DPP10: variants seen among roughly 807,000 people sequenced by gnomAD.
DPP10 encodes the protein dipeptidyl peptidase like 10.
A neutral mutation model predicts 120.9 loss-of-function variants in DPP10; 33 were observed. The observed-to-expected ratio is 0.27, with a 90% CI of 0.21 to 0.37. The LOEUF (loss-of-function observed/expected upper bound fraction) is 0.37. Ranked by LOEUF, DPP10 falls within the 10% of genes least tolerant of loss-of-function variation. The pLI, the probability that DPP10 is intolerant of heterozygous loss-of-function variation, is 1.00. For synonymous variants in DPP10, 337 were observed against 326.1 expected (o/e 1.03, Z -0.36); for missense variants, 816 against 942.8 (o/e 0.87, Z 1.76).
intron 1 of DPP10, among the ~76,000 whole-genome samples, chr2:114,826,718 A>T (rs1260496142): frequency 6.6e-6 from 1 of 152,012 alleles, no homozygotes; most frequent in Admixed American, 6.5e-5. Context: ...TTTAGTAGAG[A>T]TGGGGTTCAC....
chr2:115,722,926 T>G (rs1394671370), intron 7 of DPP10, among the ~76,000 whole-genome samples: 2 of 152,182 alleles, frequency 1.3e-5, no homozygotes, highest in East Asian at 3.9e-4. Context: ...GCAGAACCTG[T>G]AAACACATGT....
At chr2:114,931,958 G>A (rs1230226032) in intron 1 of DPP10, among the ~76,000 whole-genome samples, 10 of 152,188 alleles carry the variant, frequency 6.6e-5, no homozygotes, top group African/African-American at 2.4e-4. Flanking sequence ...ATTTAACAGG[G>A]ACATTGCCTT....
intron 1 of DPP10, among the ~76,000 whole-genome samples, chr2:115,251,471 G>A (rs1344696523): frequency 6.6e-6 from 1 of 152,080 alleles, no homozygotes; most frequent in Non-Finnish European, 1.5e-5. Context: ...TTATTAGAAA[G>A]CTTTTACTGC....
At chr2:115,346,494 A>G (rs2063718332) in intron 3 of DPP10, among the ~76,000 whole-genome samples, 1 of 152,166 alleles carries the variant, frequency 6.6e-6, no homozygotes, top group Non-Finnish European at 1.5e-5. Context: ...GTCTCAAAAA[A>G]TATGTCTGAG....
chr2:115,189,127 A>G (rs1327477233), intron 1 of DPP10, among the ~76,000 whole-genome samples: 1 of 152,222 alleles, frequency 6.6e-6, no homozygotes, highest in Non-Finnish European at 1.5e-5. Context: ...TTACTTCTAT[A>G]GAAGGGTGTG....
chr2:114,501,213 T>C (rs1226335832), intron 1 of DPP10, among the ~76,000 whole-genome samples: 1 of 152,102 alleles, frequency 6.6e-6, no homozygotes, highest in Non-Finnish European at 1.5e-5. Context: ...TACCTCCATT[T>C]GTCTCAGCTG....
chr2:114,642,828 A>G (rs928745626), intron 1 of DPP10, among the ~76,000 whole-genome samples: 2 of 151,990 alleles, frequency 1.3e-5, no homozygotes, highest in African/African-American at 4.9e-5. Context: ...CAGAACTTCA[A>G]ACAGAACCCA....
Position 115,384,655 on chromosome 2 carries a change from GGAA to G in DPP10, c.271+40757_271+40759del, listed in dbSNP as rs548334665. Among the ~76,000 whole-genome samples, 1,296 of 138,916 alleles carry G rather than the reference GGAA, an allele frequency of 9.3e-3. 9 individuals carry two copies. The highest frequency in any genetic ancestry group is 0.02 in the East Asian group (95 of 4,704). 91.1% of individuals were successfully genotyped at this position (138,916 alleles called of 152,430 possible). A position where few individuals can be genotyped will look rare whatever the true frequency, so the allele number is the denominator to read the frequency against. On this transcript the variant is annotated intron_variant, in intron 3 of 25. Transcript: ENST00000410059. ...AAGAAGAAAGAAGGAAGAAGAAGAA[GGAA>G]GAAGAAGAAGAAGGAAGAAGAAGAG...
At chr2:115,617,174 C>G (rs1402692287) in intron 5 of DPP10, among the ~76,000 whole-genome samples, 1 of 148,898 alleles carries the variant, frequency 6.7e-6, no homozygotes, top group Non-Finnish European at 1.5e-5. Flanking sequence ...AGTAGTTACC[C>G]CCTTAACCAT....
At chr2:114,887,623 G>A (rs999384584) in intron 1 of DPP10, among the ~76,000 whole-genome samples, 2 of 152,132 alleles carry the variant, frequency 1.3e-5, no homozygotes, top group Non-Finnish European at 2.9e-5. Flanking sequence ...CAGTGTTAAT[G>A]ATGTATACTT....
intron 1 of DPP10, among the ~76,000 whole-genome samples, chr2:114,940,495 G>C (rs1219226095): frequency 6.6e-6 from 1 of 150,848 alleles, no homozygotes; most frequent in Non-Finnish European, 1.5e-5. Flanking sequence ...AGCTAGAGTA[G>C]TTAGTGTTGT....
intron 1 of DPP10, among the ~76,000 whole-genome samples, chr2:114,803,397 A>T (rs1374853120): frequency 2.0e-5 from 3 of 152,236 alleles, no homozygotes; most frequent in Non-Finnish European, 1.5e-5. Flanking sequence ...TGTGGAAGCA[A>T]CTTTGGAACT....
In DPP10 at chr2:114,892,142, A is replaced by C. The variant is rs533871722; in HGVS notation, c.61-417097A>C. 4.7e-4 allele frequency among the ~76,000 whole-genome samples: 71 copies of C among 152,304 alleles called. 1 individual carries two copies. The highest frequency in any genetic ancestry group is 4.3e-3 in the Admixed American group (66 of 15,298). On this transcript the variant is annotated intron_variant, in intron 1 of 25. Transcript: ENST00000410059. The stretch of plus-strand genomic sequence containing the variant: ...TCTTCCTATAATTAATGTCCTATAA[A>C]CTTAATTCTCTTCAACAAACATTCA...
At chr2:115,247,952 A>C (rs574689210) in intron 1 of DPP10, among the ~76,000 whole-genome samples, 1 of 151,976 alleles carries the variant, frequency 6.6e-6, no homozygotes, top group Non-Finnish European at 1.5e-5. Flanking sequence ...CTCCAGGGAG[A>C]GCATAACATG....
chr2:115,747,356 A>G (rs984779531), intron 10 of DPP10, among the ~76,000 whole-genome samples: 1 of 152,206 alleles, frequency 6.6e-6, no homozygotes, highest in African/African-American at 2.4e-5. Flanking sequence ...AAATAGTAAC[A>G]TTTATTTCTG....
In DPP10 at chr2:115,115,689, A is replaced by G. The variant is rs187365871; in HGVS notation, c.61-193550A>G. Among the ~76,000 whole-genome samples the G allele has an allele frequency of 4.6e-5, 7 of 152,338 alleles. No individual in the cohort carries two copies. The East Asian group carries it at 1.3e-3, about 29-fold the overall frequency. On this transcript the variant is annotated intron_variant, in intron 1 of 25. Transcript: ENST00000410059. ...GGCATTTATCTCTGAAACGTACCGC[A>G]TGGCATTTTTAAGTTAGATGAAATA...
chr2:114,752,935 T>A (rs562518765), intron 1 of DPP10, among the ~76,000 whole-genome samples: 106 of 152,342 alleles, frequency 7.0e-4, no homozygotes, highest in Non-Finnish European at 9.6e-4. Context: ...TAGACATACA[T>A]GTGCACCCAC....
chr2:114,644,789 T>C (rs754275548), intron 1 of DPP10, among the ~76,000 whole-genome samples: 37 of 151,884 alleles, frequency 2.4e-4, no homozygotes, highest in Admixed American at 5.2e-4. Flanking sequence ...TCCTGGCTAA[T>C]GTGGGACCAC....
chr2:115,086,601 C>G (rs967964426), intron 1 of DPP10, among the ~76,000 whole-genome samples: 1 of 151,976 alleles, frequency 6.6e-6, no homozygotes, highest in Non-Finnish European at 1.5e-5. Context: ...GGACTACAGG[C>G]GCCCACCACT....
Sources: gnomAD v4.1 joint callset for allele counts (sites outside exome capture counted in the v4.1 genomes callset) on GRCh38, gnomAD v4.1.1 for gene constraint, MANE v1.5 for transcripts, NCBI Gene and HGNC (gene_info 2026-07-23, HGNC 2026-07-21) for gene names.